ALPK3: variants seen among roughly 807,000 people sequenced by gnomAD.
ALPK3 encodes the protein alpha kinase 3, also known as alpha-protein kinase 3.
In ALPK3, 102 loss-of-function variants were observed where a neutral mutation model predicts 140.0. The ratio of observed to expected loss-of-function variants is 0.73; its 90% CI spans 0.62 to 0.86. The LOEUF (loss-of-function observed/expected upper bound fraction) is 0.86. Among genes scored for constraint, ALPK3 ranks in the 40% least tolerant of loss-of-function variants. ALPK3 has a pLI of 0.00. For synonymous variants in ALPK3, 938 were observed against 898.5 expected (o/e 1.04, Z -0.79); for missense variants, 2,254 against 2,208.2 (o/e 1.02, Z -0.42).
intron 5 of ALPK3, among the ~76,000 whole-genome samples, chr15:84,853,858 C>G (rs1239674757): frequency 6.6e-6 from 1 of 151,990 alleles, no homozygotes; most frequent in Admixed American, 6.6e-5. Context: ...ATTCAAAATT[C>G]TGAATTTAGG....
chr15:84,824,820 T>C (rs17601226), intron 2 of ALPK3, among the ~76,000 whole-genome samples: 3,170 of 152,324 alleles, frequency 0.021, 51 homozygotes, highest in Non-Finnish European at 0.035. Flanking sequence ...GACAAGACCA[T>C]TTCCAGATGT....
At chr15:84,833,779 C>T (rs2141552619) in intron 3 of ALPK3, among the ~76,000 whole-genome samples, 1 of 152,176 alleles carries the variant, frequency 6.6e-6, no homozygotes, top group East Asian at 1.9e-4. Flanking sequence ...ACAGGCAAGG[C>T]CCTGGGGTTC....
In ALPK3 at chr15:84,864,466, C is replaced by T. The variant is rs1168633885; in HGVS notation, c.4524C>T (p.Tyr1508=). Residue 1508 remains tyrosine, a synonymous_variant, in exon 12 of 14, where the codon TAC becomes TAT. Coordinates refer to ENST00000258888, the MANE Select transcript of ALPK3 (RefSeq NM_020778.5). ...GGATCATCCCACTGTATCTGATCTA[C>T]CGGCCTGCAAACAATATCCCATATG... The part of the protein sequence containing the change: ...VPEIIPLYLI[Y]RPANNIPYAT... The T allele has an allele frequency of 3.1e-6, 5 of 1,614,018 alleles. No individual in the cohort carries two copies. The highest frequency in any genetic ancestry group is 2.2e-5 in the South Asian group (2 of 91,080).
Position 84,840,903 on chromosome 15 carries a change from G to A in ALPK3, c.1624G>A (p.Gly542Arg), listed in dbSNP as rs1431981751. The change falls in exon 5 of 14, where the codon GGG (glycine) becomes AGG (arginine). Residue 542 changes from glycine to arginine, a missense_variant. Physicochemically the swap from Gly to Arg is moderately radical, Grantham distance 125. Around this residue, in one of 3 missense-constraint regions of ALPK3, gnomAD observed 2,088 missense variants for 2,022.9 expected, o/e 1.03. Coordinates refer to ENST00000258888, the MANE Select transcript of ALPK3 (RefSeq NM_020778.5). Reference sequence around the variant, plus strand: ...TGGCACCCGGGACAGCACGTTGCAGGGGCAAGCAGGCCACAGGACTCCAGG... The same window carrying A: ...TGGCACCCGGGACAGCACGTTGCAGAGGCAAGCAGGCCACAGGACTCCAGG... ...RHGTRDSTLQGQAGHRTPGEV... is the reference protein window; with the variant it reads ...RHGTRDSTLQRQAGHRTPGEV... The A allele has an allele frequency of 5.0e-6, 8 of 1,608,378 alleles. No individual in the cohort carries two copies. In the East Asian group the frequency reaches 1.8e-4, roughly 36 times the overall value.
chr15:84,823,479 A>T, intron 2 of ALPK3, 111 bp downstream of exon 2: 5 of 1,216,258 alleles, frequency 4.1e-6, no homozygotes, highest in Non-Finnish European at 3.6e-6. Flanking sequence ...GGGTGAGGGG[A>T]GAGCTGGAGG....
In ALPK3 at chr15:84,840,383, C is replaced by A. The variant is rs146781915; in HGVS notation, c.1104C>A (p.Thr368=). Residue 368 remains threonine, a synonymous_variant, in exon 5 of 14, where the codon ACC becomes ACA. Transcript: ENST00000258888. ...CCGTGGGCGTGGAGCAGGTTCAGACCCAGCCCAGAGGCAGGGCTGCACGGG... is the reference window on the plus strand; with the variant it reads ...CCGTGGGCGTGGAGCAGGTTCAGACACAGCCCAGAGGCAGGGCTGCACGGG... The part of the protein sequence containing the change: ...QGPVGVEQVQ[T]QPRGRAARGP... The A allele has an allele frequency of 1.5e-5, 24 of 1,613,686 alleles. No homozygotes were observed. The highest frequency in any genetic ancestry group is 1.9e-5 in the Non-Finnish European group (23 of 1,179,846).
At chr15:84,863,058 G>A in intron 10 of ALPK3, 143 bp downstream of exon 10, 2 of 1,165,918 alleles carry the variant, frequency 1.7e-6, no homozygotes, top group South Asian at 1.6e-5. Context: ...GGACCTTGTG[G>A]AAAGCCTGAG....
In ALPK3 at chr15:84,859,290, T is replaced by C; in HGVS notation, c.3865T>C (p.Ser1289Pro). 6.2e-7 allele frequency: 1 copy of C among 1,614,102 alleles called. No homozygotes were observed. Among genetic ancestry groups the C allele is most frequent in the African/African-American group, 1.3e-5 (1 of 75,026 alleles). The change falls in exon 7 of 14, where the codon TCC (serine) becomes CCC (proline). Residue 1289 changes from serine (S) to proline (P), a missense_variant. By Grantham distance (74) the Ser-to-Pro change is moderately conservative (BLOSUM62 -1). This residue lies in a region of ALPK3 where 2,088 missense variants were observed against 2,022.9 expected (regional missense o/e 1.03). Transcript: ENST00000258888. The part of the protein sequence containing the change: ...KIRVEQFPDA[S>P]GSLKLWCQFF... ...TCGGGTGGAGCAGTTTCCTGATGCC[T>C]CCGGTAGCCTGAAGCTGTGGTGCCA... is the stretch of plus-strand genomic sequence containing the variant.
Position 84,839,939 on chromosome 15 carries a change from C to T in ALPK3, c.660C>T (p.Arg220=), listed in dbSNP as rs115096499. ...CTCTGCGCAAGCTCAGCCCCGACCG[C>T]TTCCAGCGAAAGCGGCGATTGAGCG... ...VDTLRKLSPD[R]FQRKRRLSGA... Residue 220 remains arginine (R), a synonymous_variant, in exon 5 of 14, where the codon CGC becomes CGT. Transcript: ENST00000258888. The T allele has an allele frequency of 1.9e-6, 3 of 1,613,744 alleles. No individual in the cohort carries two copies. Among genetic ancestry groups the T allele is most frequent in the East Asian group, 4.5e-5 (2 of 44,850 alleles).
In ALPK3 at chr15:84,864,613, A is replaced by G. The variant is rs2141574172; in HGVS notation, c.4671A>G (p.Gln1557=). ...CCATGCAGAAATGCCAGACCTTCCAACACTGGCTGTATCAGTGGACAAATG... is the reference window on the plus strand; with the variant it reads ...CCATGCAGAAATGCCAGACCTTCCAGCACTGGCTGTATCAGTGGACAAATG... ...SEAMQKCQTF[Q]HWLYQWTNGS... is the part of the protein sequence containing the mutation. Residue 1557 remains glutamine (Q), a synonymous_variant, in exon 12 of 14, where the codon CAA becomes CAG. Coordinates refer to ENST00000258888, the MANE Select transcript of ALPK3 (RefSeq NM_020778.5). The G allele has an allele frequency of 2.5e-6, 4 of 1,614,188 alleles. No individual in the cohort carries two copies. Among genetic ancestry groups the G allele is most frequent in the Non-Finnish European group, 3.4e-6 (4 of 1,180,026 alleles).
rs75088852 is a variant in ALPK3, at chr15:84,817,556, C to T, written c.104C>T (p.Ala35Val). The T allele has an allele frequency of 1.8e-3, 2,663 of 1,502,670 alleles. 50 individuals are homozygous for T. In the African/African-American group the frequency reaches 0.034, roughly 19 times the overall value. 93.1% of individuals were successfully genotyped at this position (1,502,670 alleles called of 1,614,324 possible). The stretch of plus-strand genomic sequence containing the variant: ...GGCCCCGTGTGGATCCCCAGCCCAG[C>T]CAGCCGGAGCTACCTGCTCAGCGTG... ...DDGPVWIPSPASRSYLLSVRP... is the reference protein window; with the variant it reads ...DDGPVWIPSPVSRSYLLSVRP... Residue 35 changes from alanine (A) to valine (V), a missense_variant, in exon 1 of 14, where the codon GCC becomes GTC. Ala to Val is a moderately conservative substitution (Grantham distance 64, BLOSUM62 0). Coordinates refer to ENST00000258888, the MANE Select transcript of ALPK3 (RefSeq NM_020778.5).
chr15:84,821,701 C>T (rs1020568262), intron 1 of ALPK3, among the ~76,000 whole-genome samples: 5 of 152,114 alleles, frequency 3.3e-5, no homozygotes, highest in Non-Finnish European at 7.4e-5. Flanking sequence ...CCCAGGTCCC[C>T]CACTGTACTT....
Position 84,868,150 on chromosome 15 carries a change from G to A in ALPK3, c.4812G>A (p.Leu1604=). The A allele has an allele frequency of 6.2e-7, 1 of 1,613,862 alleles. No homozygotes were observed. The highest frequency in any genetic ancestry group is 1.1e-5 in the South Asian group (1 of 91,064). ...GLKESCFPAL[L]DRFASSHQCN... ...AGGAAAGCTGCTTCCCTGCCCTGCT[G>A]GACCGGTTCGCCTCCTCCCACCAGT... Residue 1604 remains leucine (L), a synonymous_variant, in exon 14 of 14, where the codon CTG becomes CTA. Transcript: ENST00000258888.
At position 84,857,894 on chromosome 15, in the gene ALPK3, C is replaced by T. The variant is rs1567093938; in HGVS notation, c.3156C>T (p.Arg1052=). ...GLLDREVQAG[R]QALAAARGSW... is the part of the protein sequence containing the mutation. ...TGGACCGTGAGGTGCAGGCTGGCCG[C>T]CAGGCCCTTGCTGCTGCCCGAGGCT... The change falls in exon 6 of 14, where the codon CGC becomes CGT. Residue 1052 remains arginine (R), a synonymous_variant. Transcript: ENST00000258888. 1 of 1,612,330 alleles carries T rather than the reference C, an allele frequency of 6.2e-7. No homozygotes were observed.
intron 1 of ALPK3, 61 bp from the exon 2 acceptor site, chr15:84,823,269 A>G: frequency 6.3e-7 from 1 of 1,592,044 alleles, no homozygotes; most frequent in Non-Finnish European, 8.6e-7. Flanking sequence ...GCGACTGTTG[A>G]TTTCGCCTAC....
chr15:84,840,125 C>T lies in ALPK3; in HGVS notation c.846C>T (p.Pro282=), dbSNP rs372143809. The change falls in exon 5 of 14, where the codon CCC becomes CCT. Residue 282 remains proline, a synonymous_variant. Coordinates refer to ENST00000258888, the MANE Select transcript of ALPK3 (RefSeq NM_020778.5). ...GEVTTNGEAA[P]ENGEDGEHGL... ...TGACCACCAACGGGGAGGCTGCCCC[C>T]GAGAATGGAGAGGACGGAGAGCATG... is the stretch of plus-strand genomic sequence containing the variant. 16 of 1,614,060 alleles carry T rather than the reference C, an allele frequency of 9.9e-6. No homozygotes were observed. The highest frequency in any genetic ancestry group is 4.5e-5 in the East Asian group (2 of 44,856).
intron 7 of ALPK3, 108 bp from the exon 8 acceptor site, chr15:84,859,668 C>A: frequency 6.9e-7 from 1 of 1,440,484 alleles, no homozygotes; most frequent in Admixed American, 2.7e-5. Flanking sequence ...CCCCAAAGCT[C>A]TCAGAGCTGG....
intron 1 of ALPK3, among the ~76,000 whole-genome samples, chr15:84,821,693 C>A (rs1252824044): frequency 6.6e-6 from 1 of 152,264 alleles, no homozygotes; most frequent in East Asian, 1.9e-4. Flanking sequence ...CTCCCTCCCC[C>A]AGGTCCCCCA....
At chr15:84,825,822 A>G (rs1963479812) in intron 2 of ALPK3, among the ~76,000 whole-genome samples, 1 of 152,242 alleles carries the variant, frequency 6.6e-6, no homozygotes, top group Non-Finnish European at 1.5e-5. Context: ...ACGTTTTCAG[A>G]TATTAACACT....
Sources: allele counts gnomAD v4.1 joint callset (sites outside exome capture counted in the v4.1 genomes callset), GRCh38; gene constraint gnomAD v4.1.1; regional missense constraint gnomAD v4.1.1; transcripts MANE v1.5; gene names NCBI Gene and HGNC (gene_info 2026-07-23, HGNC 2026-07-21).